The following KIDINS220 variants were observed in gnomAD, a reference collection of about 807,000 sequenced individuals.
KIDINS220 encodes the protein kinase D-interacting substrate of 220 kDa.
KIDINS220 carries 63 observed loss-of-function variants against 157.6 expected under a neutral mutation model. The observed-to-expected ratio is 0.40, with a 90% CI of 0.33 to 0.49. The LOEUF (loss-of-function observed/expected upper bound fraction) is 0.49. Among genes scored for constraint, KIDINS220 ranks in the 20% least tolerant of loss-of-function variants. The probability of loss-of-function intolerance (pLI) is 0.66; values close to 1 mark genes in which losing one functional copy is unlikely to be tolerated. For synonymous variants in KIDINS220, 732 were observed against 783.6 expected (o/e 0.93, Z 1.10); for missense variants, 1,772 against 2,171.2 (o/e 0.82, Z 3.65).
chr2:8,779,394 T>G (rs1476242473), intron 18 of KIDINS220, among the ~76,000 whole-genome samples: 1 of 152,184 alleles, frequency 6.6e-6, no homozygotes, highest in Non-Finnish European at 1.5e-5. Context: ...GCTAAAGAGG[T>G]AAATCAATGC....
chr2:8,811,442 G>A (rs571832697), intron 6 of KIDINS220, among the ~76,000 whole-genome samples: 3 of 152,304 alleles, frequency 2.0e-5, no homozygotes, highest in Admixed American at 1.3e-4. Context: ...CCTAGGGTAA[G>A]GAGACTTAAC....
intron 15 of KIDINS220, 54 bp downstream of exon 15, chr2:8,788,593 A>G (rs1672744939): frequency 6.4e-7 from 1 of 1,560,462 alleles, no homozygotes; most frequent in East Asian, 2.3e-5. Flanking sequence ...GAAGTGAAAA[A>G]TATTTTTTTC....
In KIDINS220 at chr2:8,730,826, C is replaced by T. The variant is rs780769477; in HGVS notation, c.5210G>A (p.Ser1737Asn). The T allele has an allele frequency of 1.6e-5, 26 of 1,614,218 alleles. No individual in the cohort carries two copies. Among genetic ancestry groups the T allele is most frequent in the Non-Finnish European group, 2.2e-5 (26 of 1,180,042 alleles). Reference sequence around the variant, plus strand: ...GAGCCTTGTGTAACTTGAACGTTGGCTTCGCTTATGTGTCATGCTTTTTAG... The same window carrying T: ...GAGCCTTGTGTAACTTGAACGTTGGTTTCGCTTATGTGTCATGCTTTTTAG... ...ENLKSMTHKRSQRSSYTRLSK... is the reference protein window; with the variant it reads ...ENLKSMTHKRNQRSSYTRLSK... Residue 1737 changes from serine to asparagine, a missense_variant, in exon 30 of 30, where the codon AGC (serine) becomes AAC (asparagine). Around this residue, in one of 3 missense-constraint regions of KIDINS220, gnomAD observed 793 missense variants for 885.5 expected, o/e 0.90. Transcript: ENST00000256707.
intron 24 of KIDINS220, 50 bp downstream of exon 24, chr2:8,750,062 G>A: frequency 6.6e-7 from 1 of 1,508,918 alleles, no homozygotes; most frequent in Non-Finnish European, 9.1e-7. Context: ...GAAAACTGAG[G>A]TTTCCCTGTA....
intron 14 of KIDINS220, among the ~76,000 whole-genome samples, chr2:8,789,159 C>T (rs1173323050): frequency 6.9e-6 from 1 of 144,296 alleles, no homozygotes; most frequent in East Asian, 2.0e-4. Flanking sequence ...AAGACACCCC[C>T]AAGAATAGGG....
intron 24 of KIDINS220, 117 bp downstream of exon 24, chr2:8,749,995 T>C: frequency 1.3e-6 from 1 of 776,862 alleles, no homozygotes; most frequent in East Asian, 2.7e-5. Context: ...AAACTTTACA[T>C]TTTTCCTATG....
intron 22 of KIDINS220, among the ~76,000 whole-genome samples, chr2:8,768,209 A>T (rs1299121368): frequency 2.0e-5 from 3 of 151,882 alleles, no homozygotes; most frequent in Non-Finnish European, 4.4e-5. Flanking sequence ...AAAAATTTTT[A>T]GTTTTTATTT....
chr2:8,739,311 C>T (rs1665311840), intron 26 of KIDINS220, among the ~76,000 whole-genome samples: 1 of 152,122 alleles, frequency 6.6e-6, no homozygotes, highest in African/African-American at 2.4e-5. Flanking sequence ...CACATAGGGA[C>T]ATTAAGATCT....
intron 1 of KIDINS220, among the ~76,000 whole-genome samples, chr2:8,827,902 CAG>C (rs2148439817): frequency 6.6e-6 from 1 of 152,264 alleles, no homozygotes; most frequent in South Asian, 2.1e-4. Context: ...GCCCCACCGT[CAG>C]AGATTCTGAC....
intron 2 of KIDINS220, among the ~76,000 whole-genome samples, chr2:8,819,641 T>C (rs1298623437): frequency 1.3e-5 from 2 of 152,076 alleles, no homozygotes; most frequent in Non-Finnish European, 2.9e-5. Context: ...CTGACCAACA[T>C]GGTGAAACCC....
chr2:8,741,878 A>G (rs1426475962), intron 26 of KIDINS220, among the ~76,000 whole-genome samples: 1 of 152,244 alleles, frequency 6.6e-6, no homozygotes, highest in Non-Finnish European at 1.5e-5. Context: ...AGAATAGTAC[A>G]AATCCACTTC....
At chr2:8,761,593 C>T (rs1036207396) in intron 22 of KIDINS220, among the ~76,000 whole-genome samples, 59 of 151,244 alleles carry the variant, frequency 3.9e-4, no homozygotes, top group African/African-American at 1.4e-3. Flanking sequence ...ATTCTCAGTG[C>T]TGAAAAATGT....
At chr2:8,818,345 TG>T (rs1208029364) in intron 3 of KIDINS220, among the ~76,000 whole-genome samples, 1 of 152,160 alleles carries the variant, frequency 6.6e-6, no homozygotes, top group African/African-American at 2.4e-5. Flanking sequence ...CATATATTCC[TG>T]GCCATTATCG....
intron 22 of KIDINS220, among the ~76,000 whole-genome samples, chr2:8,760,671 T>C (rs1448853206): frequency 2.6e-5 from 4 of 152,236 alleles, no homozygotes; most frequent in Admixed American, 6.5e-5. Flanking sequence ...CAATTTAGGA[T>C]TGTAACAGTT....
intron 28 of KIDINS220, 74 bp from the exon 29 acceptor site, chr2:8,733,754 C>A: frequency 5.9e-6 from 6 of 1,014,574 alleles, no homozygotes; most frequent in South Asian, 3.8e-5. Context: ...TTTAGAAATA[C>A]CAAACATTAT....
At chr2:8,767,714 T>C (rs1669661554) in intron 22 of KIDINS220, among the ~76,000 whole-genome samples, 2 of 152,194 alleles carry the variant, frequency 1.3e-5, no homozygotes, top group South Asian at 4.1e-4. Flanking sequence ...AAAATGAAGC[T>C]TATGAAAGCT....
At chr2:8,796,560 A>C (rs1278857757) in intron 11 of KIDINS220, among the ~76,000 whole-genome samples, 1 of 152,154 alleles carries the variant, frequency 6.6e-6, no homozygotes, top group African/African-American at 2.4e-5. Flanking sequence ...GAGCCGTAGA[A>C]GGAAAGTCGG....
rs115895251 is a variant in KIDINS220, at chr2:8,768,392, C to T, written c.3011+2278G>A. Reference sequence around the variant, plus strand: ...ATGTTCCCGTGGTTTACAGAGGGGTCTATTTAATTCGCTGAAATTGCTTTC... The same window carrying T: ...ATGTTCCCGTGGTTTACAGAGGGGTTTATTTAATTCGCTGAAATTGCTTTC... On this transcript the variant is annotated intron_variant, in intron 22 of 29. Transcript: ENST00000256707. 7.2e-3 allele frequency among the ~76,000 whole-genome samples: 1,099 copies of T among 152,192 alleles called. 16 individuals carry two copies. The highest frequency in any genetic ancestry group is 0.024 in the African/African-American group (1,007 of 41,548).
chr2:8,735,329 C>A (rs569029643), intron 27 of KIDINS220, among the ~76,000 whole-genome samples: 1 of 152,182 alleles, frequency 6.6e-6, no homozygotes. Flanking sequence ...GTCAGGAGTT[C>A]GAGACCAGCC....
Sources: gnomAD v4.1 joint callset for allele counts (sites outside exome capture counted in the v4.1 genomes callset) on GRCh38, gnomAD v4.1.1 for gene constraint, gnomAD v4.1.1 regional missense constraint, MANE v1.5 for transcripts, NCBI Gene and HGNC (gene_info 2026-07-23, HGNC 2026-07-21) for gene names.